KAZN: variants seen among roughly 807,000 people sequenced by gnomAD.
KAZN encodes kazrin, periplakin interacting protein, also known as kazrin.
Under a neutral mutation model 87.4 loss-of-function variants are expected in KAZN, and 40 were observed. That is an observed-to-expected ratio of 0.46 (90% CI 0.36 to 0.60). KAZN has a LOEUF of 0.60. Ranked by LOEUF, KAZN falls within the 20% of genes least tolerant of loss-of-function variation. The probability of loss-of-function intolerance (pLI) is 0.00; values close to 1 mark genes in which losing one functional copy is unlikely to be tolerated. For synonymous variants in KAZN, 466 were observed against 458.3 expected, an observed-to-expected ratio of 1.02 and a Z score of -0.22; for missense variants, 898 against 1,073.9, an observed-to-expected ratio of 0.84 and a Z score of 2.29.
intron 2 of KAZN, among the ~76,000 whole-genome samples, chr1:14,325,122 A>AC (rs1202450778): frequency 4.6e-5 from 7 of 151,886 alleles, no homozygotes; most frequent in African/African-American, 1.4e-4. Flanking sequence ...GCAATTTATG[A>AC]CCCCCACTAC....
rs987035173 is a variant in KAZN, at chr1:14,949,625, T to A, written c.227-11059T>A. Among the ~76,000 whole-genome samples, 2 of 152,132 alleles carry A rather than the reference T, an allele frequency of 1.3e-5. No individual in the cohort carries two copies. Among genetic ancestry groups the A allele is most frequent in the Non-Finnish European group, 2.9e-5 (2 of 68,036 alleles). ...TTTTGTAGCCTCTGCCATGAAGGTG[T>A]TACCCAAACCTCCGGCAGACCCCAG... On this transcript the variant is annotated intron_variant, in intron 1 of 14. Coordinates refer to ENST00000376030, the MANE Select transcript of KAZN (RefSeq NM_201628.3). The surrounding 1 kb of genome is among the most constrained non-coding windows in gnomAD (Gnocchi z 4.3).
intron 2 of KAZN, among the ~76,000 whole-genome samples, chr1:15,009,186 C>T (rs1669336069): frequency 6.6e-6 from 1 of 152,208 alleles, no homozygotes; most frequent in Admixed American, 6.5e-5. Context: ...CTGGGCACGT[C>T]CTGCAAAGAC....
At chr1:14,565,957 A>T (rs1027309058) in intron 2 of KAZN, among the ~76,000 whole-genome samples, 1 of 152,190 alleles carries the variant, frequency 6.6e-6, no homozygotes, top group Non-Finnish European at 1.5e-5. Context: ...GGTTGGAATC[A>T]GCTTCTTCCA....
intron 8 of KAZN, among the ~76,000 whole-genome samples, chr1:15,084,127 C>G (rs1394838065): frequency 6.6e-6 from 1 of 152,192 alleles, no homozygotes; most frequent in African/African-American, 2.4e-5. Context: ...CAGGGAAGGG[C>G]TGAGCTGGGG....
At chr1:14,513,369 C>A in intron 2 of KAZN, among the ~76,000 whole-genome samples, 1 of 152,118 alleles carries the variant, frequency 6.6e-6, no homozygotes, top group Non-Finnish European at 1.5e-5. Context: ...TGTTGATAGA[C>A]TTCTGTTTAA....
chr1:14,881,759 C>T (rs1210410793), intron 1 of KAZN, among the ~76,000 whole-genome samples: 10 of 152,200 alleles, frequency 6.6e-5, no homozygotes, highest in Admixed American at 3.3e-4. Flanking sequence ...CATTTTGAAT[C>T]GATTTGCTCC....
intron 2 of KAZN, among the ~76,000 whole-genome samples, chr1:14,966,915 C>T (rs530697218): frequency 5.9e-5 from 9 of 152,118 alleles, no homozygotes; most frequent in South Asian, 2.1e-4. Context: ...GGTGATCACC[C>T]GACTCAGCCT....
chr1:14,359,820 G>A lies in KAZN; in HGVS notation c.249+179228G>A, dbSNP rs192873957. ...AGAGAGATCCACTGTTAGTCTGATGGGCTTCCCTTTGTGGGTAACCTGATC... is the reference window on the plus strand; with the variant it reads ...AGAGAGATCCACTGTTAGTCTGATGAGCTTCCCTTTGTGGGTAACCTGATC... On this transcript the variant is annotated intron_variant, in intron 2 of 16. Coordinates refer to the KAZN transcript ENST00000636203. Among the ~76,000 whole-genome samples, 641 of 152,224 alleles carry A rather than the reference G, an allele frequency of 4.2e-3. 3 individuals are homozygous for A. The highest frequency in any genetic ancestry group is 0.015 in the African/African-American group (603 of 41,532).
intron 2 of KAZN, among the ~76,000 whole-genome samples, chr1:14,386,486 G>C (rs12737740): frequency 0.1 from 15,270 of 151,776 alleles, 989 homozygotes; most frequent in Non-Finnish European, 0.15. Context: ...ACTTCCTTCA[G>C]GAGCTCTTTT....
chr1:14,691,472 G>C (rs1231177182), intron 1 of KAZN, among the ~76,000 whole-genome samples: 1 of 152,044 alleles, frequency 6.6e-6, no homozygotes, highest in Admixed American at 6.6e-5. Flanking sequence ...ATGGGATTTT[G>C]TTGTCTTCAT....
At chr1:15,062,085 C>G (rs1490825058) in intron 6 of KAZN, 1 of 152,182 alleles carries the variant, frequency 6.6e-6, no homozygotes, top group African/African-American at 2.4e-5. Context: ...CGTGGTGGGC[C>G]CATGGGGACT....
intron 1 of KAZN, among the ~76,000 whole-genome samples, chr1:14,034,065 C>T (rs1641438742): frequency 6.6e-6 from 1 of 152,226 alleles, no homozygotes; most frequent in Non-Finnish European, 1.5e-5. Context: ...GATTGCTGAA[C>T]TGAGTTATTA....
At chr1:14,291,517 T>C (rs1468751120) in intron 2 of KAZN, among the ~76,000 whole-genome samples, 1 of 152,220 alleles carries the variant, frequency 6.6e-6, no homozygotes, top group African/African-American at 2.4e-5. Flanking sequence ...TCTCCTGGTG[T>C]GCCTTTTGCT....
chr1:14,096,729 T>G (rs1309436026), intron 1 of KAZN, among the ~76,000 whole-genome samples: 1 of 152,202 alleles, frequency 6.6e-6, no homozygotes, highest in Admixed American at 6.5e-5. Context: ...AGCTGAGACT[T>G]ATGAGCTGAG....
intron 1 of KAZN, among the ~76,000 whole-genome samples, chr1:14,713,066 G>A (rs545203651): frequency 6.6e-6 from 1 of 152,176 alleles, no homozygotes; most frequent in East Asian, 1.9e-4. Context: ...GTGGTCAGGG[G>A]GCCACTCTAA....
rs533983430 is a variant in KAZN, at chr1:14,530,116, G to A, written c.250-68867G>A. ...CCAGGGGAAGCCAGTGATCCTGAAC[G>A]GAAACCAGCAAAAAGGCAGAGGACA... On this transcript the variant is annotated intron_variant, in intron 2 of 16. Coordinates refer to the KAZN transcript ENST00000636203. 3.3e-5 allele frequency among the ~76,000 whole-genome samples: 5 copies of A among 152,252 alleles called. No homozygotes were observed. The East Asian group carries it at 5.8e-4, about 18-fold the overall frequency.
intron 1 of KAZN, among the ~76,000 whole-genome samples, chr1:14,036,289 A>AG (rs1641555163): frequency 6.6e-6 from 1 of 152,040 alleles, no homozygotes; most frequent in Non-Finnish European, 1.5e-5. Context: ...TAAGACCTTT[A>AG]TTGGGAGATG....
intron 2 of KAZN, among the ~76,000 whole-genome samples, chr1:14,344,699 G>C (rs2486319): frequency 0.082 from 12,554 of 152,182 alleles, 598 homozygotes; most frequent in East Asian, 0.17. Flanking sequence ...ATAGGGAGGT[G>C]AGGAAGAACT....
chr1:14,086,438 G>A (rs545454390), intron 1 of KAZN, among the ~76,000 whole-genome samples: 1 of 152,122 alleles, frequency 6.6e-6, no homozygotes, highest in African/African-American at 2.4e-5. Flanking sequence ...ACTTATAAGT[G>A]AGACCATATG....
Sources: gnomAD v4.1 joint callset for allele counts (sites outside exome capture counted in the v4.1 genomes callset) on GRCh38, gnomAD v4.1.1 for gene constraint, Gnocchi (gnomAD v3.1) non-coding constraint, MANE v1.5 for transcripts, NCBI Gene and HGNC (gene_info 2026-07-23, HGNC 2026-07-21) for gene names.